NBEA: variants seen among roughly 807,000 people sequenced by gnomAD.
The protein encoded by NBEA is neurobeachin, also known as lysosomal-trafficking regulator 2.
In NBEA, 44 loss-of-function variants were observed where a neutral mutation model predicts 343.4. The ratio of observed to expected loss-of-function variants is 0.13; its 90% CI spans 0.10 to 0.16. The LOEUF (loss-of-function observed/expected upper bound fraction) is 0.16, where lower values mean the gene tolerates loss of function less well. Among genes scored for constraint, NBEA ranks in the 10% least tolerant of loss-of-function variants. The probability of loss-of-function intolerance (pLI) is 1.00; values close to 1 mark genes in which losing one functional copy is unlikely to be tolerated. For synonymous variants in NBEA, 1,175 were observed against 1,238.7 expected (o/e 0.95, Z 1.08); for missense variants, 2,555 against 3,631.3 (o/e 0.70, Z 7.62).
chr13:35,668,617 C>T, intron 58 of NBEA, 98 bp downstream of exon 58: 1 of 1,199,288 alleles, frequency 8.3e-7, no homozygotes, highest in South Asian at 2.5e-5. Context: ...GCAATTCCAG[C>T]ATCCAAATGA....
At chr13:35,527,713 C>T (rs73171527) in intron 41 of NBEA, among the ~76,000 whole-genome samples, 53 of 152,284 alleles carry the variant, frequency 3.5e-4, no homozygotes, top group East Asian at 1.4e-3. Context: ...TCTGAGCCTG[C>T]GGGAGCTAGG....
At chr13:35,350,848 G>A (rs886596909) in intron 37 of NBEA, among the ~76,000 whole-genome samples, 3 of 150,308 alleles carry the variant, frequency 2.0e-5, no homozygotes, top group Non-Finnish European at 4.4e-5. Flanking sequence ...ACTTTTTGAG[G>A]AATTTTTCTA....
Position 35,045,350 on chromosome 13 carries a change from A to G in NBEA, c.672A>G (p.Pro224=), listed in dbSNP as rs1324499293. Residue 224 remains proline (P), a synonymous_variant, in exon 4 of 59, where the codon CCA becomes CCG. Coordinates refer to ENST00000379939, the MANE Select transcript of NBEA (RefSeq NM_001385012.1). The part of the protein sequence containing the change: ...VKLLSVLNQM[P]QRHGPDTFFN... Reference sequence around the variant, plus strand: ...TATTATCAGTTCTTAATCAGATGCCACAGAGACACGGTCCTGATACTTTTT... The same window carrying G: ...TATTATCAGTTCTTAATCAGATGCCGCAGAGACACGGTCCTGATACTTTTT... The G allele has an allele frequency of 1.9e-6, 3 of 1,612,774 alleles. No homozygotes were observed. The highest frequency in any genetic ancestry group is 1.7e-6 in the Non-Finnish European group (2 of 1,179,402).
Position 35,195,714 on chromosome 13 carries a change from T to C in NBEA, c.4928-150T>C, listed in dbSNP as rs2072541619. 2.0e-5 allele frequency: 13 copies of C among 647,386 alleles called. No individual in the cohort carries two copies. In the South Asian group the frequency reaches 2.7e-4, roughly 14 times the overall value. 40.1% of individuals were successfully genotyped at this position (647,386 alleles called of 1,614,324 possible). ...GTCTGGCTGGATGATATCTTTCAACTGAGTTGTGTTACTACTATGCACATC... is the reference window on the plus strand; with the variant it reads ...GTCTGGCTGGATGATATCTTTCAACCGAGTTGTGTTACTACTATGCACATC... On this transcript the variant is annotated intron_variant, in intron 30 of 58. Transcript: ENST00000379939.
At chr13:35,068,831 A>T (rs1396965122) in intron 8 of NBEA, among the ~76,000 whole-genome samples, 1 of 152,156 alleles carries the variant, frequency 6.6e-6, no homozygotes, top group East Asian at 1.9e-4. Context: ...ATATGGAAGA[A>T]CTAGCAACAT....
chr13:35,002,308 G>A (rs73487619), intron 1 of NBEA, among the ~76,000 whole-genome samples: 2,344 of 152,226 alleles, frequency 0.015, 63 homozygotes, highest in African/African-American at 0.054. Flanking sequence ...TCCTACAATG[G>A]GGAAAAATTT....
intron 49 of NBEA, among the ~76,000 whole-genome samples, chr13:35,633,881 A>G (rs1166233226): frequency 6.6e-6 from 1 of 152,158 alleles, no homozygotes; most frequent in Non-Finnish European, 1.5e-5. Context: ...TTTGTTTTTA[A>G]TATTATTTAG....
intron 38 of NBEA, among the ~76,000 whole-genome samples, chr13:35,419,411 A>G (rs937766348): frequency 2.6e-5 from 4 of 151,994 alleles, no homozygotes; most frequent in African/African-American, 9.7e-5. Flanking sequence ...CTTTTCTTTC[A>G]TGACCTAATT....
At chr13:35,577,666 G>C (rs2080811228) in intron 45 of NBEA, among the ~76,000 whole-genome samples, 1 of 151,574 alleles carries the variant, frequency 6.6e-6, no homozygotes. Context: ...TATATAATTG[G>C]GTCAATCAGT....
intron 41 of NBEA, among the ~76,000 whole-genome samples, chr13:35,481,465 A>G (rs1566199821): frequency 1.3e-5 from 2 of 151,878 alleles, no homozygotes. Context: ...CTGAAAAAAA[A>G]ATGGGGAAAG....
intron 40 of NBEA, among the ~76,000 whole-genome samples, chr13:35,470,300 A>G (rs917847586): frequency 2.0e-5 from 3 of 152,312 alleles, no homozygotes; most frequent in Admixed American, 6.5e-5. Context: ...TCCCCACGGA[A>G]AGTTCACGGA....
chr13:35,037,668 C>T (rs1449695700), intron 1 of NBEA, among the ~76,000 whole-genome samples: 2 of 152,112 alleles, frequency 1.3e-5, no homozygotes, highest in Non-Finnish European at 2.9e-5. Context: ...TCTTTCCTTA[C>T]TTTCTCCCAA....
At chr13:35,480,170 C>T (rs140172175) in intron 41 of NBEA, among the ~76,000 whole-genome samples, 3 of 151,572 alleles carry the variant, frequency 2.0e-5, no homozygotes, top group African/African-American at 4.8e-5. Flanking sequence ...TCGAAGCGTT[C>T]GAAATAACAG....
At chr13:34,970,039 C>T (rs1267530018) in intron 1 of NBEA, among the ~76,000 whole-genome samples, 1 of 152,104 alleles carries the variant, frequency 6.6e-6, no homozygotes, top group African/African-American at 2.4e-5. Context: ...TCTTTTTCTC[C>T]ACAACCTTGC....
intron 43 of NBEA, among the ~76,000 whole-genome samples, chr13:35,551,872 T>A (rs2079343242): frequency 6.6e-6 from 1 of 152,186 alleles, no homozygotes. Flanking sequence ...AGAATGTATT[T>A]CTCAGAAGCC....
chr13:35,497,725 G>T (rs1175557944), intron 41 of NBEA, among the ~76,000 whole-genome samples: 1 of 151,952 alleles, frequency 6.6e-6, no homozygotes, highest in Non-Finnish European at 1.5e-5. Flanking sequence ...GGCAAATGAG[G>T]AATCAACTCT....
In NBEA at chr13:34,973,057, G is replaced by A. The variant is rs149944089; in HGVS notation, c.294+29943G>A. On this transcript the variant is annotated intron_variant, in intron 1 of 58. Coordinates refer to ENST00000379939, the MANE Select transcript of NBEA (RefSeq NM_001385012.1). ...GGCTGCTTTTCCACAGGACTGTTGC[G>A]GTTTGCTGGGGGTCCACTGCAGTCC... Among the ~76,000 whole-genome samples, 651 of 152,036 alleles carry A rather than the reference G, an allele frequency of 4.3e-3. 2 individuals carry two copies. Among genetic ancestry groups the A allele is most frequent in the Non-Finnish European group, 5.8e-3 (396 of 67,992 alleles).
intron 49 of NBEA, among the ~76,000 whole-genome samples, chr13:35,637,470 GAGAA>G (rs1326016627): frequency 2.0e-5 from 3 of 152,138 alleles, no homozygotes; most frequent in African/African-American, 4.8e-5. Context: ...AAAGAATTGA[GAGAA>G]AGGGCTTCAA....
intron 38 of NBEA, among the ~76,000 whole-genome samples, chr13:35,388,510 A>G (rs918506060): frequency 6.6e-6 from 1 of 152,132 alleles, no homozygotes; most frequent in African/African-American, 2.4e-5. Context: ...TCTATTTTTT[A>G]TTAAGCCTGT....
Sources: allele counts gnomAD v4.1 joint callset (sites outside exome capture counted in the v4.1 genomes callset), GRCh38; gene constraint gnomAD v4.1.1; transcripts MANE v1.5; gene names NCBI Gene and HGNC (gene_info 2026-07-23, HGNC 2026-07-21).